The following PLEKHA2 variants were observed in gnomAD, a reference collection of about 807,000 sequenced individuals.
PLEKHA2 encodes the protein pleckstrin homology domain-containing family A member 2.
Under a neutral mutation model 53.2 loss-of-function variants are expected in PLEKHA2, and 28 were observed. The observed-to-expected ratio is 0.53, with a 90% CI of 0.39 to 0.72. The LOEUF is 0.72. Ranked by LOEUF, PLEKHA2 falls within the 30% of genes least tolerant of loss-of-function variation. The pLI, the probability that PLEKHA2 is intolerant of heterozygous loss-of-function variation, is 0.00. For synonymous variants in PLEKHA2, 193 were observed against 196.4 expected (o/e 0.98, Z 0.14); for missense variants, 426 against 537.9 (o/e 0.79, Z 2.06).
At chr8:38,926,897 A>T (rs996893395) in intron 2 of PLEKHA2, among the ~76,000 whole-genome samples, 31 of 152,198 alleles carry the variant, frequency 2.0e-4, no homozygotes, top group Admixed American at 6.5e-4. Context: ...CCTGGGTAAC[A>T]AGAGCGAGAC....
chr8:38,969,708 G>T lies in PLEKHA2; in HGVS notation c.1203G>T (p.Ser401=). The change falls in exon 12 of 12, where the codon TCG becomes TCT. Residue 401 remains serine (S), a synonymous_variant. Coordinates refer to ENST00000617275, the MANE Select transcript of PLEKHA2 (RefSeq NM_021623.2). ...CCAGCTCCCGGATAAGGCACAGATC[G>T]GAGCCCCAGCACCCCAAGGAGAAGC... ...VLPSSRIRHR[S]EPQHPKEKPF... is the part of the protein sequence containing the mutation. The T allele has an allele frequency of 1.3e-6, 2 of 1,563,856 alleles. No individual in the cohort carries two copies. The highest frequency in any genetic ancestry group is 1.7e-6 in the Non-Finnish European group (2 of 1,154,248).
In PLEKHA2 at chr8:38,946,206, A is replaced by C; in HGVS notation, c.330A>C (p.Gln110His). Residue 110 changes from glutamine (Q) to histidine (H), a missense_variant, in exon 5 of 12, where the codon CAA becomes CAC. By Grantham distance (24) the Gln-to-His change is conservative. Coordinates refer to ENST00000617275, the MANE Select transcript of PLEKHA2 (RefSeq NM_021623.2). ...AGGACTGGGTTGAAGCCCTGAACCA[A>C]GCCAGCAAGATCACCGTAAGTTTGG... is the stretch of plus-strand genomic sequence containing the variant. ...DMKDWVEALN[Q>H]ASKITVPKGG... 1 of 1,603,002 alleles carries C rather than the reference A, an allele frequency of 6.2e-7. No homozygotes were observed. Among genetic ancestry groups the C allele is most frequent in the Non-Finnish European group, 8.5e-7 (1 of 1,174,398 alleles).
chr8:38,911,306 G>C (rs1220950118), intron 1 of PLEKHA2, among the ~76,000 whole-genome samples: 1 of 151,528 alleles, frequency 6.6e-6, no homozygotes, highest in African/African-American at 2.4e-5. Flanking sequence ...GCATGATCTC[G>C]GCTCACTGCA....
At chr8:38,911,020 C>T (rs868816242) in intron 1 of PLEKHA2, among the ~76,000 whole-genome samples, 3 of 152,102 alleles carry the variant, frequency 2.0e-5, no homozygotes, top group Admixed American at 6.6e-5. Flanking sequence ...GATTTTTGCA[C>T]TAAACCCAGA....
intron 1 of PLEKHA2, among the ~76,000 whole-genome samples, chr8:38,914,648 C>G (rs531873808): frequency 3.3e-5 from 5 of 152,344 alleles, no homozygotes; most frequent in Middle Eastern, 6.8e-3. Context: ...GTCTGAATGT[C>G]ACGTGGTGCT....
intron 5 of PLEKHA2, chr8:38,950,543 C>T (rs184488914): frequency 1.6e-5 from 4 of 244,448 alleles, no homozygotes; most frequent in East Asian, 8.2e-5. Context: ...ATGTAAGTGC[C>T]GTGAAGGTGG....
chr8:38,925,218 A>AT (rs1433857375), intron 2 of PLEKHA2, among the ~76,000 whole-genome samples: 2 of 152,200 alleles, frequency 1.3e-5, no homozygotes, highest in African/African-American at 4.8e-5. Context: ...TGTTACTACA[A>AT]TATTATGGCA....
At chr8:38,958,100 G>A (rs1382159028) in intron 10 of PLEKHA2, among the ~76,000 whole-genome samples, 6 of 152,100 alleles carry the variant, frequency 3.9e-5, no homozygotes, top group East Asian at 3.9e-4. Flanking sequence ...CGAGGTGGGC[G>A]GATCACTTGA....
intron 10 of PLEKHA2, among the ~76,000 whole-genome samples, chr8:38,964,419 T>C (rs928525388): frequency 2.0e-5 from 3 of 152,148 alleles, no homozygotes; most frequent in Non-Finnish European, 2.9e-5. Context: ...CGAACCCTAT[T>C]GTGAACTGTG....
intron 3 of PLEKHA2, among the ~76,000 whole-genome samples, chr8:38,937,138 A>T (rs1834510527): frequency 6.6e-6 from 1 of 152,236 alleles, no homozygotes; most frequent in Non-Finnish European, 1.5e-5. Flanking sequence ...ATGCAGGCAG[A>T]GTCTGGCAGA....
In PLEKHA2 at chr8:38,952,236, T is replaced by C; in HGVS notation, c.557T>C (p.Ile186Thr). The change falls in exon 7 of 12, where the codon ATC becomes ACC. Residue 186 changes from isoleucine (I) to threonine (T), a missense_variant. Coordinates refer to ENST00000617275, the MANE Select transcript of PLEKHA2 (RefSeq NM_021623.2). ...HTILRRSQSY[I>T]PTSGCRASTG... is the part of the protein sequence containing the mutation. Reference sequence around the variant, plus strand: ...ATCCTTCGAAGGTCTCAGAGTTACATCCCCACGTCAGGCTGCCGTGCTTCC... The same window carrying C: ...ATCCTTCGAAGGTCTCAGAGTTACACCCCCACGTCAGGCTGCCGTGCTTCC... The C allele has an allele frequency of 6.2e-7, 1 of 1,612,912 alleles. No individual in the cohort carries two copies. The highest frequency in any genetic ancestry group is 8.5e-7 in the Non-Finnish European group (1 of 1,179,598).
At chr8:38,937,646 C>G (rs1410092633) in intron 3 of PLEKHA2, among the ~76,000 whole-genome samples, 1 of 152,124 alleles carries the variant, frequency 6.6e-6, no homozygotes, top group African/African-American at 2.4e-5. Context: ...AGCCCCTTCC[C>G]GAGAAAGGCA....
chr8:38,934,430 G>T (rs1280103514), intron 2 of PLEKHA2, among the ~76,000 whole-genome samples: 2 of 151,908 alleles, frequency 1.3e-5, no homozygotes, highest in African/African-American at 2.4e-5. Context: ...GGGCTTCAGA[G>T]ATTTTTTTTT....
At chr8:38,946,454 C>T (rs1834716852) in intron 5 of PLEKHA2, among the ~76,000 whole-genome samples, 2 of 152,228 alleles carry the variant, frequency 1.3e-5, no homozygotes, top group Non-Finnish European at 2.9e-5. Flanking sequence ...CCCCTTTGTG[C>T]TTCCTGGGAG....
chr8:38,943,674 TA>T, intron 3 of PLEKHA2, 114 bp from the exon 4 acceptor site: 1 of 761,898 alleles, frequency 1.3e-6, no homozygotes, highest in Non-Finnish European at 2.0e-6. Flanking sequence ...TATTATTTTT[TA>T]AAAATGTAGA....
intron 10 of PLEKHA2, among the ~76,000 whole-genome samples, chr8:38,965,421 TATCGGATTGTC>T (rs1835118425): frequency 6.6e-6 from 1 of 152,116 alleles, no homozygotes; most frequent in Non-Finnish European, 1.5e-5. Context: ...GGAAACTGAT[TATCGGATTGTC>T]ATCCTGGGGA....
At chr8:38,913,037 A>G (rs889035557) in intron 1 of PLEKHA2, among the ~76,000 whole-genome samples, 2 of 152,256 alleles carry the variant, frequency 1.3e-5, no homozygotes, top group South Asian at 4.1e-4. Context: ...AGGATTGTAG[A>G]AAGAGTGCCT....
intron 2 of PLEKHA2, among the ~76,000 whole-genome samples, chr8:38,932,764 C>G (rs1282712026): frequency 6.6e-6 from 1 of 152,222 alleles, no homozygotes; most frequent in African/African-American, 2.4e-5. Flanking sequence ...TCTCCCATGT[C>G]TCCCATTTCC....
intron 2 of PLEKHA2, among the ~76,000 whole-genome samples, chr8:38,932,780 A>T (rs978482570): frequency 3.9e-5 from 6 of 152,096 alleles, no homozygotes; most frequent in Non-Finnish European, 5.9e-5. Context: ...TTTCCCCTGG[A>T]TGGGGAGGAA....
Sources: allele counts gnomAD v4.1 joint callset (sites outside exome capture counted in the v4.1 genomes callset), GRCh38; gene constraint gnomAD v4.1.1; transcripts MANE v1.5; gene names NCBI Gene and HGNC (gene_info 2026-07-23, HGNC 2026-07-21).